Variants in MAGI1 observed in about 807,000 individuals in gnomAD.
MAGI1 encodes the protein membrane-associated guanylate kinase, WW and PDZ domain-containing protein 1.
Under a neutral mutation model 139.9 loss-of-function variants are expected in MAGI1, and 58 were observed. That is an observed-to-expected ratio of 0.41 (90% CI 0.34 to 0.52). MAGI1 has a LOEUF of 0.52. MAGI1 is among the 20% of genes least tolerant of loss of function. The pLI, the probability that MAGI1 is intolerant of heterozygous loss-of-function variation, is 0.12. For missense variants in MAGI1, 1,874 were observed against 1,901.6 expected, an observed-to-expected ratio of 0.99 and a Z score of 0.27; for synonymous variants, 812 against 737.9, an observed-to-expected ratio of 1.10 and a Z score of -1.63.
intron 2 of MAGI1, among the ~76,000 whole-genome samples, chr3:65,573,921 C>T (rs2081067439): frequency 6.6e-6 from 1 of 152,052 alleles, no homozygotes; most frequent in African/African-American, 2.4e-5. Context: ...CAGCTGCTTT[C>T]ACCCTACTAA....
intron 2 of MAGI1, among the ~76,000 whole-genome samples, chr3:65,494,539 C>T (rs1917523): frequency 0.55 from 83,771 of 151,788 alleles, 23,651 homozygotes; most frequent in East Asian, 0.75. Flanking sequence ...TATTATGAGA[C>T]GAAAAAAAAG....
chr3:65,416,736 G>A (rs771287024), intron 12 of MAGI1, among the ~76,000 whole-genome samples: 1 of 152,156 alleles, frequency 6.6e-6, no homozygotes, highest in Admixed American at 6.5e-5. Context: ...CATTTTCCAC[G>A]TTGCCAGTGG....
chr3:65,493,635 T>C lies in MAGI1; in HGVS notation c.431-4A>G, dbSNP rs1952214189. 4 of 1,613,798 alleles carry C rather than the reference T, an allele frequency of 2.5e-6. No individual in the cohort carries two copies. The highest frequency in any genetic ancestry group is 2.7e-5 in the African/African-American group (2 of 74,920). On this transcript the variant is annotated splice_polypyrimidine_tract_variant and splice_region_variant and intron_variant, in intron 2 of 22. Coordinates refer to ENST00000402939, the MANE Select transcript of MAGI1 (RefSeq NM_001033057.2). ...TCTCTGGGAGATCGGGTTGTGCCTG[T>C]AGCAGAAAATACAAAGGCACAACAA...
chr3:65,944,857 AAG>A (rs1389218078), intron 1 of MAGI1, among the ~76,000 whole-genome samples: 30 of 152,232 alleles, frequency 2.0e-4, no homozygotes, highest in Admixed American at 1.7e-3. Flanking sequence ...TTAGGTAATA[AAG>A]AGAGTGTCAA....
intron 1 of MAGI1, among the ~76,000 whole-genome samples, chr3:65,773,729 G>A (rs936079550): frequency 1.3e-5 from 2 of 152,196 alleles, no homozygotes; most frequent in Admixed American, 6.5e-5. Flanking sequence ...GGTGAATTCA[G>A]AAGGAAAATG....
chr3:65,851,477 G>C (rs1012032180), intron 1 of MAGI1, among the ~76,000 whole-genome samples: 12 of 152,090 alleles, frequency 7.9e-5, no homozygotes, highest in African/African-American at 2.9e-4. Flanking sequence ...TGCCAGGCGC[G>C]GTGGCTCACG....
At chr3:65,475,437 C>A (rs1277116857) in intron 4 of MAGI1, among the ~76,000 whole-genome samples, 1 of 152,170 alleles carries the variant, frequency 6.6e-6, no homozygotes, top group East Asian at 1.9e-4. Context: ...TGGTCTTGAA[C>A]TCCTGACCTC....
At chr3:65,686,634 C>T (rs531617173) in intron 1 of MAGI1, among the ~76,000 whole-genome samples, 1 of 152,258 alleles carries the variant, frequency 6.6e-6, no homozygotes, top group South Asian at 2.1e-4. Context: ...GGGATTGTTG[C>T]AGCAACTGGA....
chr3:65,456,868 T>G (rs1236667509), intron 5 of MAGI1, among the ~76,000 whole-genome samples: 2 of 152,234 alleles, frequency 1.3e-5, no homozygotes, highest in Non-Finnish European at 2.9e-5. Context: ...TTCTGCCTTC[T>G]GTCCCATTAG....
At chr3:65,687,909 G>C (rs1404563356) in intron 1 of MAGI1, 2 of 664,680 alleles carry the variant, frequency 3.0e-6, no homozygotes, top group Non-Finnish European at 2.9e-6. Context: ...GGGTGCCTTA[G>C]CAGCCATTCG....
At chr3:65,734,121 G>A (rs1576933058) in intron 1 of MAGI1, among the ~76,000 whole-genome samples, 2 of 152,182 alleles carry the variant, frequency 1.3e-5, no homozygotes, top group African/African-American at 4.8e-5. Context: ...AACAGATATA[G>A]CAGATGAGGA....
chr3:65,622,792 C>T (rs1327462549), intron 1 of MAGI1, among the ~76,000 whole-genome samples: 2 of 152,082 alleles, frequency 1.3e-5, no homozygotes, highest in African/African-American at 4.8e-5. Flanking sequence ...GTCTCAAACT[C>T]CCGGCCTCAA....
intron 2 of MAGI1, among the ~76,000 whole-genome samples, chr3:65,617,616 T>A (rs2083444505): frequency 6.6e-6 from 1 of 152,160 alleles, no homozygotes. Flanking sequence ...ATTTTTCTTG[T>A]GTGCTTCGAG....
At chr3:65,388,904 A>G (rs1943670402) in intron 14 of MAGI1, among the ~76,000 whole-genome samples, 1 of 127,462 alleles carries the variant, frequency 7.8e-6, no homozygotes, top group Admixed American at 1.0e-4. Context: ...TGCAAGTGGC[A>G]TGATCTCGGC....
intron 2 of MAGI1, among the ~76,000 whole-genome samples, chr3:65,516,180 C>G (rs1477556369): frequency 2.0e-5 from 3 of 152,158 alleles, no homozygotes; most frequent in Non-Finnish European, 1.5e-5. Context: ...GTCTCCCTCT[C>G]TCTCTCTCTC....
intron 1 of MAGI1, among the ~76,000 whole-genome samples, chr3:65,659,842 T>C (rs982789976): frequency 3.3e-5 from 5 of 152,144 alleles, no homozygotes; most frequent in African/African-American, 9.7e-5. Context: ...ACAGTGATGT[T>C]GGCCTGGGTT....
intron 1 of MAGI1, among the ~76,000 whole-genome samples, chr3:65,709,317 T>G (rs1576829430): frequency 6.6e-6 from 1 of 152,188 alleles, no homozygotes; most frequent in East Asian, 1.9e-4. Context: ...TCTCTTTTTT[T>G]TCCAGTCCAA....
At chr3:65,581,175 C>T (rs1300491943) in intron 2 of MAGI1, among the ~76,000 whole-genome samples, 6 of 152,152 alleles carry the variant, frequency 3.9e-5, no homozygotes, top group Non-Finnish European at 2.9e-5. Flanking sequence ...CTGAGAGGCA[C>T]ACTCTATATC....
chr3:65,913,313 T>C (rs749937051), intron 1 of MAGI1, among the ~76,000 whole-genome samples: 1 of 152,160 alleles, frequency 6.6e-6, no homozygotes, highest in Non-Finnish European at 1.5e-5. Context: ...TGAAGTTCAA[T>C]TCTTTGAGAA....
Sources: gnomAD v4.1 joint callset for allele counts (sites outside exome capture counted in the v4.1 genomes callset) on GRCh38, gnomAD v4.1.1 for gene constraint, MANE v1.5 for transcripts, NCBI Gene and HGNC (gene_info 2026-07-23, HGNC 2026-07-21) for gene names.